TPRG1: variants seen among roughly 807,000 people sequenced by gnomAD.
TPRG1 encodes tumor protein p63-regulated gene 1 protein.
Under a neutral mutation model 29.3 loss-of-function variants are expected in TPRG1, and 29 were observed. The observed-to-expected ratio is 0.99, with a 90% CI of 0.74 to 1.35. The LOEUF (loss-of-function observed/expected upper bound fraction) is 1.35, where lower values mean the gene tolerates loss of function less well. Among genes scored for constraint, TPRG1 ranks in the 40% most tolerant of loss-of-function variants. The pLI is 0.00. For synonymous variants in TPRG1, 130 were observed against 116.8 expected, an observed-to-expected ratio of 1.11 and a Z score of -0.73; for missense variants, 327 against 335.0, an observed-to-expected ratio of 0.98 and a Z score of 0.19.
intron 1 of TPRG1, among the ~76,000 whole-genome samples, chr3:189,196,369 G>C (rs967463677): frequency 6.6e-6 from 1 of 152,112 alleles, no homozygotes; most frequent in Admixed American, 6.6e-5. Flanking sequence ...ATTAATATCT[G>C]TTATCATGCT....
At chr3:189,169,374 A>G (rs1313901204), upstream of TPRG1, among the ~76,000 whole-genome samples, 1 of 152,132 alleles carries the variant, frequency 6.6e-6, no homozygotes, top group African/African-American at 2.4e-5. Flanking sequence ...CATGTTGGCC[A>G]CGCTGGTCTT....
At chr3:189,318,439 G>T (rs959084828) in intron 5 of TPRG1, among the ~76,000 whole-genome samples, 1 of 152,122 alleles carries the variant, frequency 6.6e-6, no homozygotes, top group African/African-American at 2.4e-5. Flanking sequence ...ATTTAAGCTT[G>T]GTTTTGAGAG....
At chr3:189,296,865 T>C (rs1720016912) in intron 4 of TPRG1, among the ~76,000 whole-genome samples, 1 of 152,204 alleles carries the variant, frequency 6.6e-6, no homozygotes, top group Non-Finnish European at 1.5e-5. Flanking sequence ...GTTTCCTTGA[T>C]AAAAATATTT....
At chr3:189,130,146 T>G (rs1191680299) in intron 2 of TPRG1, among the ~76,000 whole-genome samples, 1 of 152,216 alleles carries the variant, frequency 6.6e-6, no homozygotes, top group Non-Finnish European at 1.5e-5. Context: ...TCATGATGTA[T>G]GTACAGATCT....
chr3:189,283,806 G>A (rs1455279156), intron 4 of TPRG1, among the ~76,000 whole-genome samples: 1 of 152,186 alleles, frequency 6.6e-6, no homozygotes, highest in Non-Finnish European at 1.5e-5. Context: ...GGCACGAGGA[G>A]ACTAAGTTAG....
At chr3:189,108,160 T>C (rs182256227) in intron 1 of TPRG1, among the ~76,000 whole-genome samples, 3 of 152,276 alleles carry the variant, frequency 2.0e-5, no homozygotes, top group East Asian at 3.9e-4. Flanking sequence ...TGGGGCTTTA[T>C]TTATATCTGT....
At chr3:189,129,993 A>T (rs1286260592) in intron 2 of TPRG1, among the ~76,000 whole-genome samples, 5 of 152,234 alleles carry the variant, frequency 3.3e-5, no homozygotes, top group Admixed American at 6.5e-5. Flanking sequence ...CATAAGAGGG[A>T]TAATAAAACT....
chr3:189,051,655 G>T (rs1348748570), intron 4 of TPRG1, among the ~76,000 whole-genome samples: 1 of 152,062 alleles, frequency 6.6e-6, no homozygotes, highest in African/African-American at 2.4e-5. Flanking sequence ...TAAGCAAAAA[G>T]AGCAAATCTG....
chr3:189,035,485 C>T (rs73048757), intron 4 of TPRG1, among the ~76,000 whole-genome samples: 4,663 of 152,092 alleles, frequency 0.031, 215 homozygotes, highest in African/African-American at 0.11. Context: ...AATAAACTGT[C>T]AATAAACAGG....
intron 3 of TPRG1, among the ~76,000 whole-genome samples, chr3:189,238,440 C>T (rs1158414746): frequency 6.6e-6 from 1 of 152,184 alleles, no homozygotes; most frequent in Admixed American, 6.5e-5. Flanking sequence ...AGTCAGTTGA[C>T]TGCTAACACA....
intron 4 of TPRG1, among the ~76,000 whole-genome samples, chr3:189,280,959 T>G (rs1717031873): frequency 6.6e-6 from 1 of 152,148 alleles, no homozygotes; most frequent in South Asian, 2.1e-4. Flanking sequence ...GGAAAGGTGG[T>G]CTGCAGCCCC....
At chr3:189,027,492 G>C (rs1416943786) in intron 4 of TPRG1, among the ~76,000 whole-genome samples, 1 of 152,258 alleles carries the variant, frequency 6.6e-6, no homozygotes, top group South Asian at 2.1e-4. Flanking sequence ...ACACCATAAA[G>C]TCTATGTAGA....
chr3:189,239,093 A>C (rs16864145), intron 4 of TPRG1, 184 bp downstream of exon 4: 30,073 of 506,788 alleles, frequency 0.059, 2,050 homozygotes, highest in East Asian at 0.24. Context: ...ATACAACTTT[A>C]AGTAAATATA....
At chr3:189,203,830 C>T (rs903968834) in intron 1 of TPRG1, among the ~76,000 whole-genome samples, 2 of 151,880 alleles carry the variant, frequency 1.3e-5, no homozygotes, top group Non-Finnish European at 2.9e-5. Context: ...TCACGAGGTC[C>T]AGAGATCAAG....
intron 2 of TPRG1, chr3:189,127,260 G>A (rs1722593738): frequency 6.6e-6 from 1 of 152,206 alleles, no homozygotes; most frequent in African/African-American, 2.4e-5. Flanking sequence ...AAATTATGAT[G>A]CCTATAGGAA....
At chr3:189,214,763 C>G (rs1469665212) in intron 2 of TPRG1, among the ~76,000 whole-genome samples, 3 of 152,060 alleles carry the variant, frequency 2.0e-5, no homozygotes, top group Non-Finnish European at 4.4e-5. Flanking sequence ...CTTACTAGAA[C>G]AGATGACAAT....
At chr3:189,103,336 A>T (rs1719424216) in intron 1 of TPRG1, among the ~76,000 whole-genome samples, 1 of 152,208 alleles carries the variant, frequency 6.6e-6, no homozygotes, top group African/African-American at 2.4e-5. Flanking sequence ...AAATGTTTGC[A>T]GTCCCCTTTC....
chr3:189,304,632 C>T (rs536121084), intron 4 of TPRG1, among the ~76,000 whole-genome samples: 11 of 152,110 alleles, frequency 7.2e-5, no homozygotes, highest in Non-Finnish European at 1.6e-4. Context: ...GACTCTGTGC[C>T]AGCGTCTTTT....
intron 4 of TPRG1, among the ~76,000 whole-genome samples, chr3:189,044,524 C>T (rs1396534950): frequency 1.3e-5 from 2 of 150,454 alleles, no homozygotes; most frequent in Non-Finnish European, 1.5e-5. Flanking sequence ...CATTGCACTC[C>T]AGCCTGGGTG....
Sources: gnomAD v4.1 joint callset for allele counts (sites outside exome capture counted in the v4.1 genomes callset) on GRCh38, gnomAD v4.1.1 for gene constraint, MANE v1.5 for transcripts, NCBI Gene and HGNC (gene_info 2026-07-23, HGNC 2026-07-21) for gene names.